VTI1A: variants seen among roughly 807,000 people sequenced by gnomAD.
VTI1A encodes vesicle transport through interaction with t-SNAREs 1A, also known as vesicle transport through interaction with t-SNAREs homolog 1A.
A neutral mutation model predicts 34.9 loss-of-function variants in VTI1A; 22 were observed. That is an observed-to-expected ratio of 0.63 (90% CI 0.45 to 0.90). The LOEUF is 0.90. Ranked by LOEUF, VTI1A falls within the 40% of genes least tolerant of loss-of-function variation. The pLI is 0.00. For missense variants in VTI1A, 268 were observed against 275.6 expected (o/e 0.97, Z 0.20); for synonymous variants, 87 against 97.3 (o/e 0.89, Z 0.62).
rs952969081 is a variant in VTI1A, at chr10:112,815,214, A to G, written c.561-76A>G. 6.2e-6 allele frequency: 7 copies of G among 1,133,782 alleles called. No homozygotes were observed. In the African/African-American group the frequency reaches 8.4e-5, roughly 14 times the overall value. The allele number at this position is 1,133,782 out of a possible 1,614,324, so 70.2% of individuals were successfully genotyped here. ...TGCAAAGCTGCCGTTTGATTAGCCA[A>G]CCTGGCCTCGGACGGCGTTTGTGGG... On this transcript the variant is annotated intron_variant, in intron 7 of 7. Transcript: ENST00000393077.
At chr10:112,843,873 C>T in the VTI1A span, among the ~76,000 whole-genome samples, 2 of 152,078 alleles carry the variant, frequency 1.3e-5, no homozygotes, top group Non-Finnish European at 2.9e-5. Context: ...CTTAGAGAAG[C>T]CTTCCCCCAC....
In VTI1A at chr10:112,561,768, C is replaced by T. The variant is rs1851731507; in HGVS notation, c.427+23438C>T. The stretch of plus-strand genomic sequence containing the variant: ...ACAGTCAGCACTTGAAAAAAACATT[C>T]TGGAAAAAAGTCTTTAAAGAGACTT... On this transcript the variant is annotated intron_variant, in intron 5 of 7. Coordinates refer to ENST00000393077, the MANE Select transcript of VTI1A (RefSeq NM_145206.4). Among the ~76,000 whole-genome samples, 4 of 152,100 alleles carry T rather than the reference C, an allele frequency of 2.6e-5. No individual in the cohort carries two copies. The South Asian group carries it at 8.3e-4, about 32-fold the overall frequency.
At chr10:112,836,758 G>C in the VTI1A span, among the ~76,000 whole-genome samples, 6 of 152,250 alleles carry the variant, frequency 3.9e-5, no homozygotes, top group South Asian at 4.1e-4. Context: ...CGGCGGGGAG[G>C]GGGTATGGAA....
At chr10:112,807,165 G>C (rs1421417787) in intron 7 of VTI1A, among the ~76,000 whole-genome samples, 1 of 151,936 alleles carries the variant, frequency 6.6e-6, no homozygotes, top group East Asian at 1.9e-4. Context: ...GCAGCCATGG[G>C]GAAGAAGGTG....
At chr10:112,698,718 G>C (rs1198941824) in intron 7 of VTI1A, among the ~76,000 whole-genome samples, 1 of 152,176 alleles carries the variant, frequency 6.6e-6, no homozygotes, top group African/African-American at 2.4e-5. Context: ...ACATCTTTAT[G>C]CCCTTTGTTC....
chr10:112,631,265 A>G (rs1846120556), intron 5 of VTI1A, among the ~76,000 whole-genome samples: 1 of 152,254 alleles, frequency 6.6e-6, no homozygotes, highest in Non-Finnish European at 1.5e-5. Flanking sequence ...TTAATGAGGT[A>G]CAATTCACGT....
chr10:112,815,137 G>GCACACACACA (rs553734279), intron 7 of VTI1A, among the ~76,000 whole-genome samples, 153 bp from the exon 8 acceptor site: 124 of 77,532 alleles, frequency 1.6e-3, no homozygotes, highest in East Asian at 0.013. Context: ...TCTTTCGCGC[G>GCACACACACA]CGCACACACA....
At chr10:112,752,286 C>T (rs748239617) in intron 7 of VTI1A, 140 of 851,504 alleles carry the variant, frequency 1.6e-4, no homozygotes, top group Non-Finnish European at 1.9e-4. Context: ...TGGCTCCAGC[C>T]AGGGTCCCCT....
intron 7 of VTI1A, chr10:112,672,750 C>T (rs774052140): frequency 1.3e-4 from 20 of 152,076 alleles, no homozygotes; most frequent in African/African-American, 2.7e-4. Flanking sequence ...AAGTCTTATT[C>T]GTTCAAACTG....
At chr10:112,820,553 G>T (rs1853634856), downstream of VTI1A, among the ~76,000 whole-genome samples, 2 of 152,226 alleles carry the variant, frequency 1.3e-5, no homozygotes, top group Admixed American at 1.3e-4. Flanking sequence ...GTTAAACAGG[G>T]CAGGTGACTG....
At chr10:112,538,367 T>C (rs754842570) in intron 5 of VTI1A, 37 bp downstream of exon 5, 1 of 1,573,798 alleles carries the variant, frequency 6.4e-7, no homozygotes, top group South Asian at 1.1e-5. Context: ...GTCTTGCTTA[T>C]GCACAGCAGT....
intron 7 of VTI1A, among the ~76,000 whole-genome samples, chr10:112,763,296 C>T (rs1003272855): frequency 6.6e-5 from 10 of 152,040 alleles, no homozygotes; most frequent in Admixed American, 2.0e-4. Context: ...AAAAATTAGC[C>T]GGGCATGGTG....
Position 112,736,903 on chromosome 10 carries a change from C to A in VTI1A, c.560+67905C>A, listed in dbSNP as rs185778427. ...ATGCTGGTGGAAGTATTTATAGATG[C>A]GCAGTGCATGAGTACTTGGCAAGGA... On this transcript the variant is annotated intron_variant, in intron 7 of 7. Transcript: ENST00000393077. The A allele has an allele frequency of 1.9e-5, 13 of 697,320 alleles. No homozygotes were observed. The African/African-American group carries it at 1.9e-4, about 10-fold the overall frequency. 43.2% of individuals were successfully genotyped at this position (697,320 alleles called of 1,614,324 possible).
At chr10:112,690,086 A>G (rs2133877559) in intron 7 of VTI1A, among the ~76,000 whole-genome samples, 1 of 152,278 alleles carries the variant, frequency 6.6e-6, no homozygotes, top group Non-Finnish European at 1.5e-5. Flanking sequence ...GTAGTTGCAT[A>G]TGTCAGTATT....
intron 5 of VTI1A, among the ~76,000 whole-genome samples, chr10:112,546,226 C>T (rs935622177): frequency 6.7e-5 from 10 of 150,210 alleles, no homozygotes; most frequent in South Asian, 4.2e-4. Context: ...CACACACACA[C>T]ATATATATAT....
intron 5 of VTI1A, among the ~76,000 whole-genome samples, chr10:112,635,946 T>A (rs188577084): frequency 7.2e-5 from 11 of 152,278 alleles, no homozygotes; most frequent in Admixed American, 3.9e-4. Flanking sequence ...TTTAACAGAT[T>A]AAGCATAGAA....
At chr10:112,736,578 A>G in intron 7 of VTI1A, 1 of 1,306,948 alleles carries the variant, frequency 7.7e-7, no homozygotes, top group Non-Finnish European at 1.0e-6. Context: ...AGGAAAAGGC[A>G]TGACTCTGAA....
intron 5 of VTI1A, among the ~76,000 whole-genome samples, chr10:112,608,463 G>GT (rs1472772984): frequency 6.6e-6 from 1 of 152,156 alleles, no homozygotes; most frequent in Non-Finnish European, 1.5e-5. Flanking sequence ...AGTTTTTAAA[G>GT]TTTGTAGGTG....
chr10:112,695,516 A>T (rs1316674819), intron 7 of VTI1A, among the ~76,000 whole-genome samples: 1 of 152,230 alleles, frequency 6.6e-6, no homozygotes, highest in Admixed American at 6.5e-5. Context: ...GCAATTGCTC[A>T]GTGTCAGCCT....
Sources: gnomAD v4.1 joint callset for allele counts (sites outside exome capture counted in the v4.1 genomes callset) on GRCh38, gnomAD v4.1.1 for gene constraint, MANE v1.5 for transcripts, NCBI Gene and HGNC (gene_info 2026-07-23, HGNC 2026-07-21) for gene names.